PVT1: variants seen among roughly 807,000 people sequenced by gnomAD.
The protein encoded by PVT1 is Pvt1 oncogene, also known as CXCR4/PVT1 fusion.
chr8:128,095,051 G>C (rs1814409392), intron 5 of PVT1, among the ~76,000 whole-genome samples: 1 of 152,174 alleles, frequency 6.6e-6, no homozygotes, highest in Non-Finnish European at 1.5e-5. Context: ...CTTGCTTTGG[G>C]CGTTTTAAAA....
intron 3 of PVT1, among the ~76,000 whole-genome samples, chr8:127,965,841 T>G (rs1816697742): frequency 6.6e-6 from 1 of 152,166 alleles, no homozygotes; most frequent in Non-Finnish European, 1.5e-5. Flanking sequence ...TGCTTGAAGC[T>G]CTGAAGAGCT....
At chr8:128,045,437 C>G (rs184163710) in intron 4 of PVT1, among the ~76,000 whole-genome samples, 1 of 152,320 alleles carries the variant, frequency 6.6e-6, no homozygotes, top group East Asian at 1.9e-4. Context: ...ATGGGTAAGT[C>G]AGTTCTTATC....
chr8:128,006,228 G>A (rs570460487), intron 4 of PVT1, among the ~76,000 whole-genome samples: 216 of 151,882 alleles, frequency 1.4e-3, no homozygotes, highest in African/African-American at 4.9e-3. Flanking sequence ...CCCACTTCTC[G>A]GAGTCTGTAC....
chr8:128,033,254 G>T (rs982645619), intron 4 of PVT1, among the ~76,000 whole-genome samples: 5 of 152,198 alleles, frequency 3.3e-5, no homozygotes, highest in African/African-American at 1.2e-4. Context: ...GCTTTATCAA[G>T]GTTGCCTAAC....
At chr8:127,835,451 T>TG (rs938155467) in intron 2 of PVT1, among the ~76,000 whole-genome samples, 2 of 99,142 alleles carry the variant, frequency 2.0e-5, no homozygotes, top group Admixed American at 1.2e-4. Flanking sequence ...TGTTGGGGGA[T>TG]GGGGGGCAAG....
chr8:127,990,543 G>A (rs1207074525), intron 4 of PVT1, among the ~76,000 whole-genome samples: 1 of 152,190 alleles, frequency 6.6e-6, no homozygotes, highest in Non-Finnish European at 1.5e-5. Flanking sequence ...AAAGGAAACT[G>A]ACATGATTCC....
intron 4 of PVT1, among the ~76,000 whole-genome samples, chr8:127,997,329 C>T (rs1817118607): frequency 1.3e-5 from 2 of 152,106 alleles, no homozygotes; most frequent in Admixed American, 1.3e-4. Context: ...GAGTGAGCCA[C>T]CGAGCCTGGC....
intron 3 of PVT1, among the ~76,000 whole-genome samples, chr8:127,933,778 G>A (rs555064472): frequency 1.3e-5 from 2 of 152,322 alleles, no homozygotes; most frequent in South Asian, 4.1e-4. Flanking sequence ...GGGCATAGGA[G>A]CCAGGCAGAA....
chr8:127,868,780 T>TATATACGTATATATATATGTATATAC (rs1815314087), intron 2 of PVT1, among the ~76,000 whole-genome samples: 1 of 118,936 alleles, frequency 8.4e-6, no homozygotes, highest in African/African-American at 3.6e-5. Context: ...CATATATATA[T>TATATACGTATATATATATGTATATAC]ATATATATAT....
At position 127,984,946 on chromosome 8, in the gene PVT1, CCCTT is replaced by C. The variant is rs200641766; in HGVS notation, n.783-4200_783-4197del. 3.7e-3 allele frequency among the ~76,000 whole-genome samples: 434 copies of C among 118,668 alleles called. 29 individuals carry two copies. Among genetic ancestry groups the C allele is most frequent in the African/African-American group, 0.015 (402 of 26,512 alleles). 77.9% of individuals were successfully genotyped at this position (118,668 alleles called of 152,430 possible). On this transcript the variant is annotated intron_variant and non_coding_transcript_variant, in intron 3 of 10. Coordinates refer to ENST00000651587, the Ensembl canonical transcript of PVT1. ...CTCTTTCTCTTTCTTTCTTTCTTTCCCCTTCCTTCCTTCCTTCCTCCCTCCTTCC... is the reference window on the plus strand; with the variant it reads ...CTCTTTCTCTTTCTTTCTTTCTTTCCCCTTCCTTCCTTCCTCCCTCCTTCC...
intron 4 of PVT1, among the ~76,000 whole-genome samples, chr8:128,011,981 T>C (rs1817319602): frequency 6.6e-6 from 1 of 152,350 alleles, no homozygotes; most frequent in Middle Eastern, 3.4e-3. Flanking sequence ...TGCACTGTGA[T>C]GCGACCCCAT....
intron 4 of PVT1, among the ~76,000 whole-genome samples, chr8:128,030,414 T>C (rs1019157178): frequency 1.3e-5 from 2 of 152,210 alleles, no homozygotes; most frequent in African/African-American, 2.4e-5. Context: ...TAATGTAAGT[T>C]GAATTTTTTT....
intron 4 of PVT1, among the ~76,000 whole-genome samples, chr8:128,060,905 CTTTTTT>C (rs35320355): frequency 2.4e-5 from 3 of 123,620 alleles, no homozygotes; most frequent in African/African-American, 9.3e-5. Flanking sequence ...TAGGCAACTA[CTTTTTT>C]TTTTTTTTTT....
At chr8:127,889,039 T>C (rs7835723) in intron 2 of PVT1, among the ~76,000 whole-genome samples, 34,668 of 81,788 alleles carry the variant, frequency 0.42, 5,825 homozygotes, top group South Asian at 0.53. Flanking sequence ...TCTCTTTCTT[T>C]CTTCCTTCCT....
chr8:127,890,192 C>T (rs1194631967), intron 2 of PVT1, among the ~76,000 whole-genome samples: 1 of 152,206 alleles, frequency 6.6e-6, no homozygotes, highest in Non-Finnish European at 1.5e-5. Context: ...ACCCTAAACC[C>T]CTCAGCTCCC....
At chr8:127,919,026 T>C (rs985767541) in intron 3 of PVT1, among the ~76,000 whole-genome samples, 4 of 152,102 alleles carry the variant, frequency 2.6e-5, no homozygotes, top group Non-Finnish European at 5.9e-5. Context: ...GACACCCTTC[T>C]TCAGATGACC....
intron 2 of PVT1, among the ~76,000 whole-genome samples, chr8:127,812,141 A>T (rs531239724): frequency 1.3e-4 from 18 of 135,114 alleles, no homozygotes; most frequent in African/African-American, 4.1e-4. Context: ...AAGAAAAGAA[A>T]AGGAGGGGAG....
chr8:127,988,960 A>C (rs1386428182), intron 3 of PVT1, among the ~76,000 whole-genome samples: 1 of 152,242 alleles, frequency 6.6e-6, no homozygotes, highest in Admixed American at 6.5e-5. Context: ...TCATAGGATT[A>C]AACAGTTTAA....
intron 2 of PVT1, among the ~76,000 whole-genome samples, chr8:127,887,776 C>G (rs1163030851): frequency 6.6e-6 from 1 of 151,984 alleles, no homozygotes; most frequent in African/African-American, 2.4e-5. Flanking sequence ...ATCCACCCAT[C>G]TCAGCCTCCC....
Sources: allele counts gnomAD v4.1 joint callset (sites outside exome capture counted in the v4.1 genomes callset), GRCh38; gene constraint gnomAD v4.1.1; transcripts MANE v1.5; gene names NCBI Gene and HGNC (gene_info 2026-07-23, HGNC 2026-07-21).